The following PRRG4 variants were observed in gnomAD, a reference collection of about 807,000 sequenced individuals.
PRRG4 encodes proline rich and Gla domain 4.
A neutral mutation model predicts 20.0 loss-of-function variants in PRRG4; 12 were observed. The observed-to-expected ratio is 0.60, with a 90% CI of 0.38 to 0.97. PRRG4 has a LOEUF of 0.97. Ranked by LOEUF, PRRG4 falls within the 50% of genes least tolerant of loss-of-function variation. The pLI is 0.00. For synonymous variants in PRRG4, 94 were observed against 96.4 expected, an observed-to-expected ratio of 0.98 and a Z score of 0.15; for missense variants, 199 against 265.1, an observed-to-expected ratio of 0.75 and a Z score of 1.73.
Position 32,836,645 on chromosome 11 carries a change from A to T in PRRG4, c.104-13A>T. On this transcript the variant is annotated splice_polypyrimidine_tract_variant and intron_variant, in intron 2 of 5. Coordinates refer to ENST00000257836, the MANE Select transcript of PRRG4 (RefSeq NM_024081.6). ...TTTGATCAATGTTTAAGTCTTTTTC[A>T]TTACTTTATTAGTGTTTACATCAAA... 2 of 1,456,198 alleles carry T rather than the reference A, an allele frequency of 1.4e-6. No homozygotes were observed. The highest frequency in any genetic ancestry group is 1.9e-6 in the Non-Finnish European group (2 of 1,057,260). The allele number at this position is 1,456,198 out of a possible 1,614,324, so 90.2% of individuals were successfully genotyped here.
At chr11:32,842,764 A>G (rs1219687091) in intron 5 of PRRG4, among the ~76,000 whole-genome samples, 2 of 152,346 alleles carry the variant, frequency 1.3e-5, no homozygotes, top group East Asian at 1.9e-4. Flanking sequence ...AAGCTTTTAC[A>G]TATATACACA....
In PRRG4 at chr11:32,840,121, A is replaced by C; in HGVS notation, c.331A>C (p.Lys111Gln). 1 of 1,604,040 alleles carries C rather than the reference A, an allele frequency of 6.2e-7. No homozygotes were observed. Reference protein sequence around the residue: ...PTTKSDGNREKIDVMGLLTGL... With the variant: ...PTTKSDGNREQIDVMGLLTGL... Reference sequence around the variant, plus strand: ...TTTATTTTAAGATGGCAACAGAGAGAAAATAGATGTTATGGGCCTTCTGAC... The same window carrying C: ...TTTATTTTAAGATGGCAACAGAGAGCAAATAGATGTTATGGGCCTTCTGAC... Residue 111 changes from lysine to glutamine, a missense_variant, in exon 5 of 6, where the codon AAA becomes CAA. Physicochemically the swap from Lys to Gln is moderately conservative, Grantham distance 53 (BLOSUM62 1). Coordinates refer to ENST00000257836, the MANE Select transcript of PRRG4 (RefSeq NM_024081.6). The surrounding 1 kb of genome is among the most constrained non-coding windows in gnomAD (Gnocchi z 4.1).
intron 5 of PRRG4, among the ~76,000 whole-genome samples, chr11:32,848,558 A>G (rs2133449328): frequency 6.6e-6 from 1 of 151,650 alleles, no homozygotes; most frequent in East Asian, 1.9e-4. Flanking sequence ...GGAAAATTTA[A>G]TGTTTTATAT....
Position 32,857,971 on chromosome 11 carries a change from T to G in PRRG4, c.*4444T>G, listed in dbSNP as rs1851242193. 6.6e-6 allele frequency: 1 copy of G among 152,156 alleles called. No individual in the cohort carries two copies. Among genetic ancestry groups the G allele is most frequent in the Admixed American group, 6.5e-5 (1 of 15,278 alleles). The allele number at this position is 152,156 out of a possible 1,614,324, so 9.4% of individuals were successfully genotyped here. ...AACACCTCAACAGTTTAAGGTAATT[T>G]AGTACACATATATCAGTATTTTTGT... On this transcript the variant is annotated 3_prime_UTR_variant, in exon 6 of 6. Coordinates refer to ENST00000257836, the MANE Select transcript of PRRG4 (RefSeq NM_024081.6).
At chr11:32,833,513 G>C (rs1850993173) in intron 2 of PRRG4, among the ~76,000 whole-genome samples, 1 of 152,126 alleles carries the variant, frequency 6.6e-6, no homozygotes, top group Non-Finnish European at 1.5e-5. Flanking sequence ...AGTATACAGA[G>C]GCAGATATCT....
intron 5 of PRRG4, among the ~76,000 whole-genome samples, chr11:32,845,504 T>C (rs369342386): frequency 1.3e-5 from 2 of 151,510 alleles, no homozygotes; most frequent in Non-Finnish European, 2.9e-5. Flanking sequence ...TGATGGCGGG[T>C]GCCTGTAGTC....
intron 2 of PRRG4, among the ~76,000 whole-genome samples, chr11:32,831,121 A>T (rs1850967023): frequency 6.6e-6 from 1 of 152,150 alleles, no homozygotes; most frequent in African/African-American, 2.4e-5. Flanking sequence ...TTGACTTCAG[A>T]TGGTCTAGTT....
chr11:32,835,131 A>G (rs1851009279), intron 2 of PRRG4, among the ~76,000 whole-genome samples: 1 of 152,228 alleles, frequency 6.6e-6, no homozygotes, highest in Non-Finnish European at 1.5e-5. Flanking sequence ...AGTGCTCAAT[A>G]GCCATCTGTG....
rs1386696136 is a variant in PRRG4, at chr11:32,857,803, T to A, written c.*4276T>A. On this transcript the variant is annotated 3_prime_UTR_variant, in exon 6 of 6. Transcript: ENST00000257836. Reference sequence around the variant, plus strand: ...AGGGGAATCTCTAGCATTTCTGTATTTTTAAAGAATTTGATTCTTTTGTAG... The same window carrying A: ...AGGGGAATCTCTAGCATTTCTGTATATTTAAAGAATTTGATTCTTTTGTAG... 6.6e-6 allele frequency: 1 copy of A among 152,212 alleles called. No individual in the cohort carries two copies. The highest frequency in any genetic ancestry group is 1.5e-5 in the Non-Finnish European group (1 of 68,032). The allele number at this position is 152,212 out of a possible 1,614,324, so 9.4% of individuals were successfully genotyped here.
intron 5 of PRRG4, among the ~76,000 whole-genome samples, chr11:32,844,590 T>G (rs776715265): frequency 3.3e-5 from 5 of 151,882 alleles, no homozygotes; most frequent in Non-Finnish European, 7.4e-5. Context: ...AACCTCTGCC[T>G]CCTGGGTTCA....
At chr11:32,851,355 A>G (rs2133451498) in intron 5 of PRRG4, among the ~76,000 whole-genome samples, 1 of 152,322 alleles carries the variant, frequency 6.6e-6, no homozygotes, top group African/African-American at 2.4e-5. Flanking sequence ...CTCCTCCTTT[A>G]TCTTGTAAGC....
rs1389289650 is a variant in PRRG4 at position 32,853,531 on chromosome 11, C to T, written c.*4C>T. The T allele has an allele frequency of 1.2e-6, 2 of 1,602,418 alleles. No individual in the cohort carries two copies. Among genetic ancestry groups the T allele is most frequent in the Non-Finnish European group, 1.7e-6 (2 of 1,170,906 alleles). ...TATGTCTCTCCCATCTCACTGACTA[C>T]CTTGTCATTTTGGTATAAGAAATTT... On this transcript the variant is annotated 3_prime_UTR_variant, in exon 6 of 6. Coordinates refer to ENST00000257836, the MANE Select transcript of PRRG4 (RefSeq NM_024081.6).
intron 5 of PRRG4, among the ~76,000 whole-genome samples, chr11:32,847,169 C>T (rs1296889641): frequency 4.6e-5 from 7 of 151,942 alleles, no homozygotes; most frequent in African/African-American, 1.7e-4. Context: ...GACAGAGTTT[C>T]GCTCTTGTTG....
chr11:32,830,689 A>G (rs1423448611), intron 2 of PRRG4, 57 bp downstream of exon 2: 19 of 1,609,200 alleles, frequency 1.2e-5, no homozygotes, highest in Non-Finnish European at 1.4e-5. Context: ...CTCAGTGAGA[A>G]AGTGCAGTAT....
At chr11:32,846,134 G>A (rs1851128720) in intron 5 of PRRG4, among the ~76,000 whole-genome samples, 1 of 152,060 alleles carries the variant, frequency 6.6e-6, no homozygotes, top group Non-Finnish European at 1.5e-5. Flanking sequence ...CTCCAGCCTG[G>A]ACAATGGGAG....
chr11:32,843,949 AAAATGTT>A (rs1243149415), intron 5 of PRRG4, among the ~76,000 whole-genome samples: 3 of 152,190 alleles, frequency 2.0e-5, no homozygotes, highest in African/African-American at 4.8e-5. Context: ...GAGTCTCTTC[AAAATGTT>A]TTATTACAGC....
intron 3 of PRRG4, 101 bp downstream of exon 3, chr11:32,836,922 G>A (rs962360844): frequency 1.1e-6 from 1 of 910,286 alleles, no homozygotes; most frequent in Non-Finnish European, 1.7e-6. Flanking sequence ...ACACAATCAG[G>A]ATTATGTACC....
intron 2 of PRRG4, among the ~76,000 whole-genome samples, chr11:32,835,337 T>C (rs1851011229): frequency 6.6e-6 from 1 of 152,388 alleles, no homozygotes; most frequent in African/African-American, 2.4e-5. Context: ...AGTCTTTCAA[T>C]TGCCTACTTT....
In PRRG4 at chr11:32,854,540, A is replaced by G. The variant is rs1851213036; in HGVS notation, c.*1013A>G. Reference sequence around the variant, plus strand: ...GCCATTGCACTCCAACCTGGGCGACAGAGTGAGACTCCATCTCAAAAAAAA... The same window carrying G: ...GCCATTGCACTCCAACCTGGGCGACGGAGTGAGACTCCATCTCAAAAAAAA... On this transcript the variant is annotated 3_prime_UTR_variant, in exon 6 of 6. Coordinates refer to ENST00000257836, the MANE Select transcript of PRRG4 (RefSeq NM_024081.6). 1 of 147,110 alleles carries G rather than the reference A, an allele frequency of 6.8e-6. No homozygotes were observed. The highest frequency in any genetic ancestry group is 2.2e-4 in the South Asian group (1 of 4,522). 9.1% of individuals were successfully genotyped at this position (147,110 alleles called of 1,614,324 possible).
Sources: allele counts gnomAD v4.1 joint callset (sites outside exome capture counted in the v4.1 genomes callset), GRCh38; gene constraint gnomAD v4.1.1; non-coding constraint Gnocchi (gnomAD v3.1); transcripts MANE v1.5; gene names NCBI Gene and HGNC (gene_info 2026-07-23, HGNC 2026-07-21).